The following COL21A1 variants were observed in gnomAD, a reference collection of about 807,000 sequenced individuals.
The protein encoded by COL21A1 is collagen alpha-1(XXI) chain.
Under a neutral mutation model 137.9 loss-of-function variants are expected in COL21A1, and 149 were observed. The observed-to-expected ratio is 1.08, with a 90% confidence interval of 0.95 to 1.24. COL21A1 has a LOEUF of 1.24. COL21A1 is among the 50% of genes most tolerant of loss of function. The pLI is 0.00. For synonymous variants in COL21A1, 456 were observed against 391.5 expected, an observed-to-expected ratio of 1.16 and a Z score of -1.95; for missense variants, 1,167 against 1,158.4, an observed-to-expected ratio of 1.01 and a Z score of -0.11.
chr6:56,294,179 C>G (rs1013037129), intron 1 of COL21A1, among the ~76,000 whole-genome samples: 2 of 152,032 alleles, frequency 1.3e-5, no homozygotes, highest in African/African-American at 4.8e-5. Flanking sequence ...GACTCTGAAT[C>G]AAACAAAAAG....
intron 17 of COL21A1, among the ~76,000 whole-genome samples, chr6:56,081,197 A>G (rs997144339): frequency 2.0e-5 from 3 of 151,308 alleles, no homozygotes; most frequent in Non-Finnish European, 4.4e-5. Flanking sequence ...ACTTTTTTCC[A>G]TGTCTCTACG....
intron 1 of COL21A1, among the ~76,000 whole-genome samples, chr6:56,392,157 T>C (rs1027523221): frequency 5.3e-5 from 8 of 152,130 alleles, no homozygotes; most frequent in African/African-American, 1.9e-4. Flanking sequence ...CATGATCAAG[T>C]GGGATTCATC....
chr6:56,340,501 C>T (rs1201505210), intron 1 of COL21A1, among the ~76,000 whole-genome samples: 1 of 152,100 alleles, frequency 6.6e-6, no homozygotes, highest in African/African-American at 2.4e-5. Flanking sequence ...TTAATGCTTT[C>T]ACCACTTCTC....
intron 1 of COL21A1, among the ~76,000 whole-genome samples, chr6:56,262,929 A>C (rs867237079): frequency 1.3e-5 from 2 of 152,210 alleles, no homozygotes; most frequent in South Asian, 4.1e-4. Flanking sequence ...CAAATTCAGA[A>C]TAATTTGGTT....
At chr6:56,200,903 A>G (rs1216805224) in intron 1 of COL21A1, among the ~76,000 whole-genome samples, 2 of 152,170 alleles carry the variant, frequency 1.3e-5, no homozygotes, top group Non-Finnish European at 2.9e-5. Flanking sequence ...TGGTTGAACT[A>G]GTTTACAGTC....
intron 1 of COL21A1, among the ~76,000 whole-genome samples, chr6:56,348,677 T>C (rs1272704123): frequency 6.6e-6 from 1 of 151,734 alleles, no homozygotes; most frequent in South Asian, 2.1e-4. Context: ...GTCCAAAAGG[T>C]GAGGGGAGGA....
At chr6:56,209,365 T>G (rs542064189) in intron 1 of COL21A1, among the ~76,000 whole-genome samples, 7 of 152,186 alleles carry the variant, frequency 4.6e-5, no homozygotes, top group African/African-American at 1.7e-4. Context: ...GGAGAAAATT[T>G]TTGCAACCTA....
intron 16 of COL21A1, among the ~76,000 whole-genome samples, chr6:56,112,574 C>T (rs1771524140): frequency 6.6e-6 from 1 of 151,974 alleles, no homozygotes; most frequent in East Asian, 1.9e-4. Flanking sequence ...AGGGAGAACA[C>T]AACAATTGTG....
intron 1 of COL21A1, among the ~76,000 whole-genome samples, chr6:56,230,271 A>G (rs1269811259): frequency 6.6e-6 from 1 of 151,956 alleles, no homozygotes; most frequent in Admixed American, 6.6e-5. Context: ...ATCTTGTATC[A>G]ATCTCAAAGA....
At chr6:56,154,293 C>A (rs949310301) in intron 10 of COL21A1, among the ~76,000 whole-genome samples, 1 of 152,144 alleles carries the variant, frequency 6.6e-6, no homozygotes, top group African/African-American at 2.4e-5. Flanking sequence ...TCCCAGCCTG[C>A]AGAATCATGA....
chr6:56,243,494 C>T (rs1782469088), intron 1 of COL21A1, among the ~76,000 whole-genome samples: 1 of 152,130 alleles, frequency 6.6e-6, no homozygotes, highest in Non-Finnish European at 1.5e-5. Context: ...ACCTAAATTA[C>T]TATTTCCTTT....
chr6:56,333,806 T>G (rs975660697), intron 1 of COL21A1, among the ~76,000 whole-genome samples: 6 of 152,110 alleles, frequency 3.9e-5, no homozygotes, highest in Non-Finnish European at 7.4e-5. Flanking sequence ...ATGCAGCCAT[T>G]GTAATAGATG....
intron 16 of COL21A1, among the ~76,000 whole-genome samples, chr6:56,117,386 G>A (rs1421511520): frequency 2.0e-5 from 3 of 151,834 alleles, no homozygotes; most frequent in Admixed American, 2.0e-4. Flanking sequence ...TTCAGCAGAG[G>A]ATATAACAAT....
At chr6:56,107,813 T>C (rs1048172324) in intron 16 of COL21A1, among the ~76,000 whole-genome samples, 2 of 152,140 alleles carry the variant, frequency 1.3e-5, no homozygotes, top group African/African-American at 4.8e-5. Flanking sequence ...CCGTGGAATA[T>C]TGGTAAAGGT....
At chr6:56,269,634 G>A (rs1467484400) in intron 1 of COL21A1, among the ~76,000 whole-genome samples, 6 of 125,896 alleles carry the variant, frequency 4.8e-5, no homozygotes, top group Non-Finnish European at 6.3e-5. Flanking sequence ...CAGCCTGGGC[G>A]ACAGAGCGAG....
At chr6:56,372,374 C>A (rs944860639) in intron 1 of COL21A1, among the ~76,000 whole-genome samples, 1 of 152,158 alleles carries the variant, frequency 6.6e-6, no homozygotes, top group African/African-American at 2.4e-5. Flanking sequence ...GAGAGACTGG[C>A]CAACCTACCA....
chr6:56,189,737 T>C (rs1349446997), intron 1 of COL21A1, among the ~76,000 whole-genome samples: 1 of 152,126 alleles, frequency 6.6e-6, no homozygotes, highest in Non-Finnish European at 1.5e-5. Context: ...AGGTTACCCA[T>C]AAACAGAAGC....
chr6:56,180,064 T>C lies in COL21A1; in HGVS notation c.154A>G (p.Asn52Asp). The C allele has an allele frequency of 6.2e-7, 1 of 1,613,850 alleles. No homozygotes were observed. Among genetic ancestry groups the C allele is most frequent in the Non-Finnish European group, 8.5e-7 (1 of 1,179,834 alleles). Residue 52 changes from asparagine to aspartate, a missense_variant, in exon 3 of 30, where the codon AAC becomes GAC. Physicochemically the swap from Asn to Asp is conservative, Grantham distance 23. Coordinates refer to ENST00000244728, the MANE Select transcript of COL21A1 (RefSeq NM_030820.4). ...LDGSYSVGPENFEIVKKWLVN... is the reference protein window; with the variant it reads ...LDGSYSVGPEDFEIVKKWLVN... ...AGCCACTTTTTCACTATTTCAAAGT[T>C]TTCTGGGCCAACACTATAAGAGCCA...
intron 16 of COL21A1, among the ~76,000 whole-genome samples, chr6:56,123,222 G>A (rs1772702638): frequency 6.6e-6 from 1 of 152,156 alleles, no homozygotes; most frequent in Non-Finnish European, 1.5e-5. Context: ...TGAAACCACT[G>A]AAGCATAATT....
Sources: gnomAD v4.1 joint callset for allele counts (sites outside exome capture counted in the v4.1 genomes callset) on GRCh38, gnomAD v4.1.1 for gene constraint, MANE v1.5 for transcripts, NCBI Gene and HGNC (gene_info 2026-07-23, HGNC 2026-07-21) for gene names.